The following PCP4L1 variants were observed in gnomAD, a reference collection of about 807,000 sequenced individuals.
PCP4L1 encodes the protein Purkinje cell protein 4 like 1, also known as Purkinje cell protein 4-like protein 1.
Under a neutral mutation model 9.6 loss-of-function variants are expected in PCP4L1, and 9 were observed. The ratio of observed to expected loss-of-function variants is 0.94; its 90% confidence interval spans 0.57 to 1.64. PCP4L1 has a LOEUF of 1.64. Among genes scored for constraint, PCP4L1 ranks in the 40% most tolerant of loss-of-function variants. The pLI is 0.00. For synonymous variants in PCP4L1, 31 were observed against 28.2 expected, an observed-to-expected ratio of 1.10 and a Z score of -0.31; for missense variants, 81 against 80.8, an observed-to-expected ratio of 1.00 and a Z score of -0.01.
chr1:161,273,515 A>G (rs1156917324), intron 1 of PCP4L1, among the ~76,000 whole-genome samples: 1 of 152,202 alleles, frequency 6.6e-6, no homozygotes, highest in African/African-American at 2.4e-5. Context: ...CTCACTAGAA[A>G]CTTGGAATAA....
At chr1:161,272,558 CA>C (rs551047419) in intron 1 of PCP4L1, among the ~76,000 whole-genome samples, 3,775 of 71,858 alleles carry the variant, frequency 0.053, 108 homozygotes, top group African/African-American at 0.16. Flanking sequence ...AACTCCGTCT[CA>C]AAAAAAAAAA....
chr1:161,268,763 G>A (rs1386204529), intron 1 of PCP4L1, among the ~76,000 whole-genome samples: 1 of 151,992 alleles, frequency 6.6e-6, no homozygotes, highest in Non-Finnish European at 1.5e-5. Flanking sequence ...TGGTCAGGCT[G>A]GTCTCGAACT....
intron 1 of PCP4L1, among the ~76,000 whole-genome samples, chr1:161,278,599 C>A (rs976956591): frequency 2.6e-5 from 4 of 151,670 alleles, no homozygotes; most frequent in Admixed American, 1.3e-4. Context: ...TCTGTCAGAA[C>A]AATCCTTTAA....
intron 1 of PCP4L1, among the ~76,000 whole-genome samples, chr1:161,269,928 G>A (rs1391803176): frequency 6.6e-6 from 1 of 152,048 alleles, no homozygotes; most frequent in Non-Finnish European, 1.5e-5. Context: ...GAGCCCAGGA[G>A]GCCAAGGCTG....
chr1:161,279,633 A>G (rs539665295), intron 1 of PCP4L1, among the ~76,000 whole-genome samples: 1 of 152,366 alleles, frequency 6.6e-6, no homozygotes, highest in African/African-American at 2.4e-5. Context: ...AGCTGTTCCA[A>G]GAATTAGATG....
intron 1 of PCP4L1, among the ~76,000 whole-genome samples, chr1:161,262,830 C>T (rs996471369): frequency 6.6e-6 from 1 of 152,180 alleles, no homozygotes; most frequent in Non-Finnish European, 1.5e-5. Flanking sequence ...ATAATTGTCT[C>T]TTCAAGGTGG....
rs567160900 is a variant in PCP4L1, at chr1:161,277,953, C to T, written c.10-5715C>T. 6.6e-5 allele frequency among the ~76,000 whole-genome samples: 10 copies of T among 152,250 alleles called. No homozygotes were observed. In the South Asian group the frequency reaches 2.1e-3, roughly 32 times the overall value. On this transcript the variant is annotated intron_variant, in intron 1 of 2. Transcript: ENST00000504449. ...CTTTCCTGCATCTATTCCTTCATTCCTATATTGTAGATAAACTGTCTGTAT... is the reference window on the plus strand; with the variant it reads ...CTTTCCTGCATCTATTCCTTCATTCTTATATTGTAGATAAACTGTCTGTAT...
At chr1:161,268,012 C>T (rs909294235) in intron 1 of PCP4L1, among the ~76,000 whole-genome samples, 5 of 152,142 alleles carry the variant, frequency 3.3e-5, no homozygotes, top group African/African-American at 7.2e-5. Context: ...CGCACCTGGC[C>T]GACAATACTA....
At chr1:161,278,738 T>C (rs1402209789) in intron 1 of PCP4L1, among the ~76,000 whole-genome samples, 1 of 152,210 alleles carries the variant, frequency 6.6e-6, no homozygotes, top group Non-Finnish European at 1.5e-5. Flanking sequence ...ACCTCATTTC[T>C]TATACTCTCT....
At chr1:161,278,575 C>CT (rs1669741851) in intron 1 of PCP4L1, among the ~76,000 whole-genome samples, 3 of 150,960 alleles carry the variant, frequency 2.0e-5, no homozygotes, top group South Asian at 4.2e-4. Context: ...AGCCAGTAGT[C>CT]TTTTTTCTAC....
chr1:161,283,657 A>G lies in PCP4L1; in HGVS notation c.10-11A>G. ...ATATCTAATATTCTGATATCCTAAT[A>G]TTTTTTCCAGCTTAATACCAAAACA... On this transcript the variant is annotated splice_polypyrimidine_tract_variant and intron_variant, in intron 1 of 2. Transcript: ENST00000504449. The G allele has an allele frequency of 6.3e-7, 1 of 1,586,812 alleles. No individual in the cohort carries two copies.
rs114658170 is a variant in PCP4L1 at position 161,274,288 on chromosome 1, T to A, written c.10-9380T>A. On this transcript the variant is annotated intron_variant, in intron 1 of 2. Transcript: ENST00000504449. Reference sequence around the variant, plus strand: ...TAAACCATGTCATTGTTGTTATTTCTGGTCAGAAAAGCTCAGTATCGAAAG... The same window carrying A: ...TAAACCATGTCATTGTTGTTATTTCAGGTCAGAAAAGCTCAGTATCGAAAG... Among the ~76,000 whole-genome samples the A allele has an allele frequency of 6.6e-3, 1,007 of 152,194 alleles. 11 individuals are homozygous for A. The highest frequency in any genetic ancestry group is 0.023 in the African/African-American group (958 of 41,506).
intron 1 of PCP4L1, among the ~76,000 whole-genome samples, chr1:161,260,007 T>A (rs939583935): frequency 7.2e-5 from 11 of 152,222 alleles, no homozygotes; most frequent in Non-Finnish European, 1.3e-4. Flanking sequence ...AGATAATATA[T>A]GCCAAATACT....
chr1:161,263,162 C>T (rs1369070365), intron 1 of PCP4L1, among the ~76,000 whole-genome samples: 3 of 152,228 alleles, frequency 2.0e-5, no homozygotes, highest in South Asian at 2.1e-4. Flanking sequence ...TCTGACTTCT[C>T]ATTCCAAAAG....
At chr1:161,281,980 G>C (rs899727707) in intron 1 of PCP4L1, among the ~76,000 whole-genome samples, 1 of 152,180 alleles carries the variant, frequency 6.6e-6, no homozygotes. Context: ...CTTCCCAGAT[G>C]GGGTGGCAGC....
chr1:161,272,242 A>G (rs1669635407), intron 1 of PCP4L1, among the ~76,000 whole-genome samples: 1 of 145,694 alleles, frequency 6.9e-6, no homozygotes, highest in African/African-American at 2.5e-5. Context: ...TTCTTTTTTA[A>G]AGCATTTCCC....
At chr1:161,281,715 C>T (rs1434070953) in intron 1 of PCP4L1, among the ~76,000 whole-genome samples, 23 of 139,896 alleles carry the variant, frequency 1.6e-4, no homozygotes, top group African/African-American at 2.2e-4. Context: ...TCAGACGGGG[C>T]GGCCGGGCAG....
chr1:161,277,658 G>A (rs1434151086), intron 1 of PCP4L1, among the ~76,000 whole-genome samples: 1 of 152,084 alleles, frequency 6.6e-6, no homozygotes, highest in East Asian at 1.9e-4. Context: ...GTGCTATCTG[G>A]TAATCCTGCT....
At chr1:161,281,318 G>A (rs1368663808) in intron 1 of PCP4L1, among the ~76,000 whole-genome samples, 2 of 150,476 alleles carry the variant, frequency 1.3e-5, no homozygotes, top group Non-Finnish European at 2.9e-5. Context: ...CCACAAAACC[G>A]CCATTGTCAT....
Sources: gnomAD v4.1 joint callset for allele counts (sites outside exome capture counted in the v4.1 genomes callset) on GRCh38, gnomAD v4.1.1 for gene constraint, MANE v1.5 for transcripts, NCBI Gene and HGNC (gene_info 2026-07-23, HGNC 2026-07-21) for gene names.